PHRF1: variants seen among roughly 807,000 people sequenced by gnomAD.
The protein encoded by PHRF1 is PHD and ring finger domains 1, also known as PHD and RING finger domain-containing protein 1.
A neutral mutation model predicts 128.9 loss-of-function variants in PHRF1; 53 were observed. The observed-to-expected ratio is 0.41, with a 90% CI of 0.33 to 0.52. The LOEUF (loss-of-function observed/expected upper bound fraction) is 0.52, where lower values mean the gene tolerates loss of function less well. Among genes scored for constraint, PHRF1 ranks in the 20% least tolerant of loss-of-function variants. The pLI is 0.21. For synonymous variants in PHRF1, 1,178 were observed against 980.6 expected (o/e 1.20, Z -3.76); for missense variants, 2,503 against 2,284.5 (o/e 1.10, Z -1.95).
In PHRF1 at chr11:612,210, T is replaced by G; in HGVS notation, c.*433T>G. The G allele has an allele frequency of 3.3e-6, 1 of 299,216 alleles. No homozygotes were observed. Among genetic ancestry groups the G allele is most frequent in the Non-Finnish European group, 6.3e-6 (1 of 159,754 alleles). The allele number at this position is 299,216 out of a possible 1,614,324, so 18.5% of individuals were successfully genotyped here. ...GCTCTGAATTAGGAATATCTTTACT[T>G]TCTCTTTTCCAATTATGTTGTGCTC... On this transcript the variant is annotated 3_prime_UTR_variant, in exon 18 of 18. Coordinates refer to ENST00000264555, the MANE Select transcript of PHRF1 (RefSeq NM_001286581.2).
chr11:579,934 C>A (rs1854110581), intron 1 of PHRF1, among the ~76,000 whole-genome samples: 1 of 152,170 alleles, frequency 6.6e-6, no homozygotes, highest in Admixed American at 6.5e-5. Flanking sequence ...CCAGGGGTTT[C>A]CAGACAGCAG....
chr11:600,968 A>T (rs1855591839), intron 9 of PHRF1, among the ~76,000 whole-genome samples: 1 of 152,106 alleles, frequency 6.6e-6, no homozygotes, highest in Admixed American at 6.5e-5. Context: ...TCCGTCTCAA[A>T]AAAACAAAAC....
At chr11:605,783 G>A in intron 12 of PHRF1, 59 bp downstream of exon 12, 1 of 1,541,744 alleles carries the variant, frequency 6.5e-7, no homozygotes, top group Non-Finnish European at 8.7e-7. Context: ...TCGGATGGGA[G>A]TTCTAGGGTG....
At position 606,320 on chromosome 11, in the gene PHRF1, G is replaced by A. The variant is rs1202965033; in HGVS notation, c.1455-122G>A. ...AGCAGCCGGAGCCAGGGCTGTGGGG[G>A]AGGCGCAGGCCCGGCCCAGCCCCAC... On this transcript the variant is annotated intron_variant, in intron 12 of 17. Coordinates refer to ENST00000264555, the MANE Select transcript of PHRF1 (RefSeq NM_001286581.2). The A allele has an allele frequency of 5.5e-6, 7 of 1,270,934 alleles. No individual in the cohort carries two copies. The African/African-American group carries it at 6.1e-5, about 11-fold the overall frequency. The allele number at this position is 1,270,934 out of a possible 1,614,324, so 78.7% of individuals were successfully genotyped here. A position where few individuals can be genotyped will look rare whatever the true frequency, so the allele number is the denominator to read the frequency against.
chr11:601,484 C>T (rs1213365424), intron 9 of PHRF1, 90 bp from the exon 10 acceptor site: 12 of 1,564,004 alleles, frequency 7.7e-6, no homozygotes, highest in Non-Finnish European at 1.0e-5. Flanking sequence ...GTACCGGCTC[C>T]TTGGGCTCCG....
At chr11:579,174 C>T (rs1854060531) in intron 1 of PHRF1, among the ~76,000 whole-genome samples, 1 of 152,116 alleles carries the variant, frequency 6.6e-6, no homozygotes, top group South Asian at 2.1e-4. Flanking sequence ...ATGTGAAATT[C>T]ATCATCAAAT....
At chr11:581,928 C>A in intron 2 of PHRF1, 34 bp from the exon 3 acceptor site, 1 of 1,550,020 alleles carries the variant, frequency 6.5e-7, no homozygotes. Context: ...GTCTTGACGC[C>A]GCCCTGCGGC....
chr11:579,164 A>G (rs1421046608), intron 1 of PHRF1, among the ~76,000 whole-genome samples: 5 of 152,232 alleles, frequency 3.3e-5, no homozygotes, highest in African/African-American at 9.6e-5. Context: ...TTTACTTTCT[A>G]TGTGAAATTC....
chr11:584,547 C>T (rs994888741), intron 3 of PHRF1, among the ~76,000 whole-genome samples: 1 of 151,992 alleles, frequency 6.6e-6, no homozygotes, highest in African/African-American at 2.4e-5. Context: ...AAGCTGCCAC[C>T]TGAGGGGCAG....
At chr11:582,130 A>G in intron 3 of PHRF1, 49 bp downstream of exon 3, 1 of 1,552,360 alleles carries the variant, frequency 6.4e-7, no homozygotes, top group South Asian at 1.2e-5. Context: ...TCTTGTCGTG[A>G]TGGGGACAGC....
In PHRF1 at chr11:606,452, C is replaced by T. The variant is rs769689885; in HGVS notation, c.1465C>T (p.Pro489Ser). 35 of 1,557,340 alleles carry T rather than the reference C, an allele frequency of 2.2e-5. No individual in the cohort carries two copies. In the African/African-American group the frequency reaches 2.6e-4, roughly 11 times the overall value. ...VSVGLSRRRL[P>S]AAVPEPDLEE... ...GGTCTGTGCCCACAGGAGGCGCCTC[C>T]CTGCCGCGGTGCCAGAGCCAGACTT... Residue 489 changes from proline (P) to serine (S), a missense_variant, in exon 13 of 18, where the codon CCT (proline) becomes TCT (serine). Pro to Ser is a moderately conservative substitution (Grantham distance 74). Coordinates refer to ENST00000264555, the MANE Select transcript of PHRF1 (RefSeq NM_001286581.2).
At chr11:581,295 A>G (rs1005324977) in intron 1 of PHRF1, among the ~76,000 whole-genome samples, 197 bp from the exon 2 acceptor site, 1 of 151,084 alleles carries the variant, frequency 6.6e-6, no homozygotes, top group African/African-American at 2.4e-5. Flanking sequence ...TGGATGTGAC[A>G]CTGGGACACT....
intron 9 of PHRF1, 89 bp from the exon 10 acceptor site, chr11:601,485 T>G: frequency 6.4e-7 from 1 of 1,561,126 alleles, no homozygotes; most frequent in Non-Finnish European, 8.7e-7. Flanking sequence ...TACCGGCTCC[T>G]TGGGCTCCGT....
chr11:595,718 C>T (rs559418855), intron 6 of PHRF1, among the ~76,000 whole-genome samples: 3 of 152,366 alleles, frequency 2.0e-5, no homozygotes, highest in Admixed American at 6.5e-5. Flanking sequence ...TCAGGTGAGC[C>T]GCAGCCTCCT....
intron 2 of PHRF1, 83 bp from the exon 3 acceptor site, chr11:581,879 C>T: frequency 1.4e-6 from 2 of 1,476,668 alleles, no homozygotes; most frequent in Non-Finnish European, 1.8e-6. Flanking sequence ...CTCCTGACGC[C>T]TCTATGCCTG....
At chr11:611,582 C>G (rs867301699) in intron 17 of PHRF1, 52 bp from the exon 18 acceptor site, 5 of 1,610,192 alleles carry the variant, frequency 3.1e-6, no homozygotes, top group Non-Finnish European at 4.2e-6. Context: ...GGGCTCTGGC[C>G]CGGAACATCT....
At chr11:610,475 G>T (rs772297865) in intron 15 of PHRF1, 26 bp from the exon 16 acceptor site, 1 of 1,592,162 alleles carries the variant, frequency 6.3e-7, no homozygotes, top group Admixed American at 1.7e-5. Flanking sequence ...GTAGGGCCCA[G>T]TGCTCAGCAG....
rs749334891 is a variant in PHRF1 at position 610,396 on chromosome 11, C to G, written c.4416+49C>G. On this transcript the variant is annotated intron_variant, in intron 15 of 17. Coordinates refer to ENST00000264555, the MANE Select transcript of PHRF1 (RefSeq NM_001286581.2). ...GTGGGCCGTGGGCAGTGGCCTGGCA[C>G]CCGTGCCACACACACCACACTAGGC... The G allele has an allele frequency of 7.2e-6, 11 of 1,535,376 alleles. No homozygotes were observed. The South Asian group carries it at 1.4e-4, about 19-fold the overall frequency.
At chr11:606,349 C>A (rs1381915156) in intron 12 of PHRF1, 93 bp from the exon 13 acceptor site, 39 of 1,429,512 alleles carry the variant, frequency 2.7e-5, no homozygotes, top group Non-Finnish European at 3.4e-5. Flanking sequence ...GCCCCACTCT[C>A]CCTGGCTCCC....
Sources: allele counts gnomAD v4.1 joint callset (sites outside exome capture counted in the v4.1 genomes callset), GRCh38; gene constraint gnomAD v4.1.1; transcripts MANE v1.5; gene names NCBI Gene and HGNC (gene_info 2026-07-23, HGNC 2026-07-21).